BMPR1B: variants seen among roughly 807,000 people sequenced by gnomAD.
The protein encoded by BMPR1B is bone morphogenetic protein receptor type 1B.
In BMPR1B, 12 loss-of-function variants were observed where a neutral mutation model predicts 59.1. That is an observed-to-expected ratio of 0.20 (90% CI 0.13 to 0.33). The LOEUF (loss-of-function observed/expected upper bound fraction) is 0.33, where lower values mean the gene tolerates loss of function less well. BMPR1B is among the 10% of genes least tolerant of loss of function. The pLI, the probability that BMPR1B is intolerant of heterozygous loss-of-function variation, is 1.00. For synonymous variants in BMPR1B, 237 were observed against 207.3 expected (o/e 1.14, Z -1.23); for missense variants, 550 against 610.9 (o/e 0.90, Z 1.05).
At chr4:94,765,756 A>G (rs1560805482) in intron 1 of BMPR1B, among the ~76,000 whole-genome samples, 1 of 152,204 alleles carries the variant, frequency 6.6e-6, no homozygotes, top group Non-Finnish European at 1.5e-5. Flanking sequence ...ATTTGCATAT[A>G]ACAGTATGTT....
At chr4:94,876,242 CAT>C (rs1178586620) in intron 2 of BMPR1B, among the ~76,000 whole-genome samples, 51 of 152,286 alleles carry the variant, frequency 3.3e-4, no homozygotes, top group African/African-American at 1.2e-3. Flanking sequence ...ATCACGATAA[CAT>C]GTTTCAGGTT....
In BMPR1B at chr4:94,812,828, A is replaced by G. The variant is rs139571576; in HGVS notation, c.-183+54760A>G. Reference sequence around the variant, plus strand: ...AATTGAAAGGATAACAGCGTATACAATTGAGTAGCATATTTGACCAAAACT... The same window carrying G: ...AATTGAAAGGATAACAGCGTATACAGTTGAGTAGCATATTTGACCAAAACT... On this transcript the variant is annotated intron_variant, in intron 1 of 12. Coordinates refer to ENST00000515059, the MANE Select transcript of BMPR1B (RefSeq NM_001203.3). Among the ~76,000 whole-genome samples the G allele has an allele frequency of 7.0e-3, 1,072 of 152,316 alleles. 11 individuals carry two copies. The highest frequency in any genetic ancestry group is 0.024 in the African/African-American group (988 of 41,562).
At chr4:94,988,807 C>G (rs1032669820) in intron 2 of BMPR1B, among the ~76,000 whole-genome samples, 6 of 151,742 alleles carry the variant, frequency 4.0e-5, no homozygotes, top group African/African-American at 1.5e-4. Context: ...GTAAGTGAGT[C>G]TGTATGTGAT....
chr4:94,933,731 T>C (rs1469331386), intron 2 of BMPR1B, among the ~76,000 whole-genome samples: 1 of 152,174 alleles, frequency 6.6e-6, no homozygotes, highest in Non-Finnish European at 1.5e-5. Context: ...TATCCTGTTA[T>C]TCATTTCTCA....
intron 3 of BMPR1B, among the ~76,000 whole-genome samples, chr4:95,045,771 A>G (rs1726008630): frequency 6.6e-6 from 1 of 152,188 alleles, no homozygotes; most frequent in African/African-American, 2.4e-5. Context: ...TTCACCCACT[A>G]GAGGATAAGC....
chr4:94,796,214 C>G (rs768122472), intron 1 of BMPR1B, among the ~76,000 whole-genome samples: 4 of 152,180 alleles, frequency 2.6e-5, no homozygotes, highest in Non-Finnish European at 5.9e-5. Flanking sequence ...ATCTGTCCGC[C>G]TCAGCCTCCC....
intron 3 of BMPR1B, among the ~76,000 whole-genome samples, chr4:95,013,229 T>C (rs1393398340): frequency 3.3e-5 from 5 of 152,158 alleles, no homozygotes; most frequent in Admixed American, 2.6e-4. Flanking sequence ...TTTGATTATG[T>C]AAAAGTTCTA....
intron 1 of BMPR1B, among the ~76,000 whole-genome samples, chr4:94,801,144 C>T (rs1004773108): frequency 2.6e-5 from 4 of 152,194 alleles, no homozygotes; most frequent in African/African-American, 9.7e-5. Context: ...GGACTCACCA[C>T]CCCTTCCTGC....
intron 3 of BMPR1B, among the ~76,000 whole-genome samples, chr4:95,053,941 T>G (rs980548268): frequency 1.3e-5 from 2 of 152,200 alleles, no homozygotes; most frequent in Non-Finnish European, 2.9e-5. Flanking sequence ...CCTTTACAAT[T>G]ATTAATTCTG....
At chr4:94,796,183 T>G (rs1723186869) in intron 1 of BMPR1B, among the ~76,000 whole-genome samples, 1 of 152,180 alleles carries the variant, frequency 6.6e-6, no homozygotes, top group African/African-American at 2.4e-5. Context: ...CAGGCTGGCC[T>G]CGGACTCCTG....
intron 1 of BMPR1B, among the ~76,000 whole-genome samples, chr4:94,860,172 A>C (rs1362740014): frequency 6.6e-6 from 1 of 152,198 alleles, no homozygotes; most frequent in African/African-American, 2.4e-5. Flanking sequence ...AATTTAACAA[A>C]TTAATGATAC....
At chr4:95,007,069 A>G (rs1722897115) in intron 3 of BMPR1B, among the ~76,000 whole-genome samples, 1 of 152,126 alleles carries the variant, frequency 6.6e-6, no homozygotes, top group Non-Finnish European at 1.5e-5. Flanking sequence ...TAATTTTAAT[A>G]TATTATTCTC....
chr4:95,104,380 G>T (rs1329817637), intron 3 of BMPR1B, 28 bp from the exon 4 acceptor site: 19 of 1,610,988 alleles, frequency 1.2e-5, no homozygotes, highest in Non-Finnish European at 1.5e-5. Context: ...CCCCACAGAT[G>T]CCTAACTCTC....
intron 3 of BMPR1B, among the ~76,000 whole-genome samples, chr4:95,043,650 G>A (rs1345346027): frequency 2.6e-5 from 4 of 152,208 alleles, no homozygotes; most frequent in Admixed American, 6.5e-5. Context: ...ATTCCATGAA[G>A]CATCTTTGTC....
chr4:94,859,869 A>G (rs981033818), intron 1 of BMPR1B, among the ~76,000 whole-genome samples: 2 of 152,030 alleles, frequency 1.3e-5, no homozygotes, highest in Non-Finnish European at 2.9e-5. Flanking sequence ...TTAAAATTTC[A>G]AAAGTAAAAT....
At chr4:94,762,156 A>G (rs1335146239) in intron 1 of BMPR1B, among the ~76,000 whole-genome samples, 2 of 152,178 alleles carry the variant, frequency 1.3e-5, no homozygotes, top group Non-Finnish European at 2.9e-5. Context: ...CAATATTCTA[A>G]TTACATTCAT....
intron 1 of BMPR1B, among the ~76,000 whole-genome samples, chr4:94,833,190 CTCAA>C (rs1724669331): frequency 1.4e-5 from 1 of 70,040 alleles, no homozygotes; most frequent in African/African-American, 8.7e-5. Context: ...GAGACTCTTT[CTCAA>C]AAAAAAAAAA....
intron 6 of BMPR1B, among the ~76,000 whole-genome samples, chr4:95,119,555 G>A (rs1425884292): frequency 6.6e-6 from 1 of 152,072 alleles, no homozygotes; most frequent in Non-Finnish European, 1.5e-5. Context: ...TGTTTGTCCT[G>A]AATGGCTCCT....
intron 1 of BMPR1B, among the ~76,000 whole-genome samples, chr4:94,831,269 A>G (rs1013044855): frequency 6.6e-6 from 1 of 151,732 alleles, no homozygotes. Flanking sequence ...GAAAGCTTAT[A>G]GAATAAGGAT....
Sources: gnomAD v4.1 joint callset for allele counts (sites outside exome capture counted in the v4.1 genomes callset) on GRCh38, gnomAD v4.1.1 for gene constraint, MANE v1.5 for transcripts, NCBI Gene and HGNC (gene_info 2026-07-23, HGNC 2026-07-21) for gene names.